Variants in RBFOX2 observed in about 807,000 individuals in gnomAD.
RBFOX2 encodes the protein RNA binding fox-1 homolog 2.
RBFOX2 carries 10 observed loss-of-function variants against 49.1 expected under a neutral mutation model. The ratio of observed to expected loss-of-function variants is 0.20; its 90% CI spans 0.13 to 0.35. The LOEUF (loss-of-function observed/expected upper bound fraction) is 0.35. Ranked by LOEUF, RBFOX2 falls within the 10% of genes least tolerant of loss-of-function variation. The pLI, the probability that RBFOX2 is intolerant of heterozygous loss-of-function variation, is 1.00. For missense variants in RBFOX2, 323 were observed against 486.9 expected (o/e 0.66, Z 3.17); for synonymous variants, 183 against 187.4 (o/e 0.98, Z 0.19).
intron 1 of RBFOX2, among the ~76,000 whole-genome samples, chr22:35,986,374 A>G (rs1480094712): frequency 6.6e-6 from 1 of 152,140 alleles, no homozygotes; most frequent in Non-Finnish European, 1.5e-5. Flanking sequence ...ACTGAGACCC[A>G]TGGTTTGTGG....
chr22:35,788,581 GA>G (rs925966555), intron 2 of RBFOX2, among the ~76,000 whole-genome samples: 4 of 151,088 alleles, frequency 2.6e-5, no homozygotes, highest in Non-Finnish European at 5.9e-5. Context: ...TTATAGGTTG[GA>G]AAAAAAAATC....
At chr22:35,988,903 A>G (rs1211867442) in intron 1 of RBFOX2, among the ~76,000 whole-genome samples, 1 of 152,240 alleles carries the variant, frequency 6.6e-6, no homozygotes, top group African/African-American at 2.4e-5. Context: ...GAAATTCCAG[A>G]TAAGGGCTGG....
At chr22:35,885,843 ATTTTTT>A (rs538674450) in intron 1 of RBFOX2, among the ~76,000 whole-genome samples, 229 of 83,080 alleles carry the variant, frequency 2.8e-3, no homozygotes, top group Non-Finnish European at 4.1e-3. Context: ...CCCAAACCTA[ATTTTTT>A]TTTTTTTTTT....
chr22:35,872,664 C>A (rs1022205489), intron 1 of RBFOX2, among the ~76,000 whole-genome samples: 1 of 152,210 alleles, frequency 6.6e-6, no homozygotes, highest in Non-Finnish European at 1.5e-5. Flanking sequence ...TGCCAGGGTG[C>A]TGACGTCTGT....
intron 1 of RBFOX2, among the ~76,000 whole-genome samples, chr22:35,837,415 G>C (rs747077013): frequency 2.6e-5 from 4 of 152,032 alleles, no homozygotes; most frequent in Non-Finnish European, 5.9e-5. Context: ...CTAACCACCA[G>C]TATAGACATT....
upstream of RBFOX2, among the ~76,000 whole-genome samples, chr22:35,942,876 CAT>C (rs2053852194): frequency 6.6e-6 from 1 of 152,270 alleles, no homozygotes; most frequent in East Asian, 1.9e-4. Context: ...GTAAAATTCA[CAT>C]ATGACTTAGA....
At chr22:35,767,482 A>C (rs546238566) in intron 5 of RBFOX2, among the ~76,000 whole-genome samples, 1 of 152,166 alleles carries the variant, frequency 6.6e-6, no homozygotes, top group Admixed American at 6.5e-5. Context: ...CAAAATATGC[A>C]GACATCTTAC....
Position 35,879,234 on chromosome 22 carries a change from T to C in RBFOX2, c.-34+59613A>G, listed in dbSNP as rs118179387. Among the ~76,000 whole-genome samples the C allele has an allele frequency of 6.3e-4, 96 of 152,312 alleles. 1 individual carries two copies. In the East Asian group the frequency reaches 0.017, roughly 27 times the overall value. On this transcript the variant is annotated intron_variant, in intron 1 of 13. Transcript: ENST00000359369. ...TCCATATTTGTGGGTTCTGCATCCCTGGATTCAACCAACCATGAATGGGAA... is the reference window on the plus strand; with the variant it reads ...TCCATATTTGTGGGTTCTGCATCCCCGGATTCAACCAACCATGAATGGGAA...
At chr22:35,937,848 C>A (rs1263758979) in intron 1 of RBFOX2, among the ~76,000 whole-genome samples, 1 of 152,146 alleles carries the variant, frequency 6.6e-6, no homozygotes, top group Non-Finnish European at 1.5e-5. Flanking sequence ...CTTGGCCTCC[C>A]AAAGTACTGG....
intron 1 of RBFOX2, among the ~76,000 whole-genome samples, chr22:36,018,887 T>TA (rs2059143331): frequency 6.6e-6 from 1 of 152,216 alleles, no homozygotes; most frequent in Admixed American, 6.5e-5. Context: ...GTGCTGGGAT[T>TA]ACAGGCATGA....
chr22:35,894,872 T>C (rs1214371755), intron 1 of RBFOX2, among the ~76,000 whole-genome samples: 1 of 150,880 alleles, frequency 6.6e-6, no homozygotes, highest in East Asian at 2.0e-4. Flanking sequence ...GATCCTGGAC[T>C]GCAAAAAGGC....
At chr22:35,992,480 G>C (rs967543696) in intron 1 of RBFOX2, 12 of 152,132 alleles carry the variant, frequency 7.9e-5, no homozygotes, top group African/African-American at 2.9e-4. Flanking sequence ...AAACTTAAGA[G>C]ATAATTTTAA....
chr22:35,982,664 C>G (rs956732773), intron 1 of RBFOX2, among the ~76,000 whole-genome samples: 2 of 152,094 alleles, frequency 1.3e-5, no homozygotes, highest in Middle Eastern at 3.2e-3. Flanking sequence ...TGAATAGAAA[C>G]CATGCTACAG....
At chr22:35,821,734 G>A in intron 1 of RBFOX2, 2 of 518,142 alleles carry the variant, frequency 3.9e-6, no homozygotes, top group South Asian at 1.4e-5. Context: ...CTGCCATTAG[G>A]GATTACTGAC....
At chr22:35,915,306 C>T (rs929222941) in intron 1 of RBFOX2, among the ~76,000 whole-genome samples, 14 of 152,164 alleles carry the variant, frequency 9.2e-5, no homozygotes, top group Non-Finnish European at 1.5e-5. Context: ...TAATCCAGGA[C>T]GGGGCCACTT....
At chr22:35,959,383 T>C (rs947150080) in intron 1 of RBFOX2, among the ~76,000 whole-genome samples, 5 of 152,040 alleles carry the variant, frequency 3.3e-5, no homozygotes, top group African/African-American at 1.2e-4. Context: ...GGCCAAGAAA[T>C]AGGGAAGGTA....
chr22:35,847,187 G>A (rs2041326343), intron 1 of RBFOX2, among the ~76,000 whole-genome samples: 1 of 152,066 alleles, frequency 6.6e-6, no homozygotes, highest in African/African-American at 2.4e-5. Flanking sequence ...GGCCAGACTA[G>A]GTTCTACGAA....
chr22:35,853,665 G>GTA (rs1285154803), intron 1 of RBFOX2, among the ~76,000 whole-genome samples: 1 of 105,206 alleles, frequency 9.5e-6, no homozygotes, highest in African/African-American at 6.6e-5. Flanking sequence ...ACACGTGTGT[G>GTA]TGTGTGTGTG....
intron 1 of RBFOX2, among the ~76,000 whole-genome samples, chr22:35,859,332 A>T (rs529952913): frequency 2.0e-5 from 3 of 152,228 alleles, no homozygotes; most frequent in Non-Finnish European, 2.9e-5. Context: ...TTTCAAGTGC[A>T]TAAAACAGCA....
Sources: allele counts gnomAD v4.1 joint callset (sites outside exome capture counted in the v4.1 genomes callset), GRCh38; gene constraint gnomAD v4.1.1; transcripts MANE v1.5; gene names NCBI Gene and HGNC (gene_info 2026-07-23, HGNC 2026-07-21).